NRXN3: variants seen among roughly 807,000 people sequenced by gnomAD.
The protein encoded by NRXN3 is neurexin III.
In NRXN3, 32 loss-of-function variants were observed where a neutral mutation model predicts 137.6. The observed-to-expected ratio is 0.23, with a 90% CI of 0.18 to 0.31. The LOEUF (loss-of-function observed/expected upper bound fraction) is 0.31, where lower values mean the gene tolerates loss of function less well. NRXN3 is among the 10% of genes least tolerant of loss of function. The pLI, the probability that NRXN3 is intolerant of heterozygous loss-of-function variation, is 1.00. For synonymous variants in NRXN3, 798 were observed against 784.5 expected (o/e 1.02, Z -0.29); for missense variants, 1,574 against 2,062.5 (o/e 0.76, Z 4.59).
intron 6 of NRXN3, among the ~76,000 whole-genome samples, chr14:78,688,827 G>T (rs1241351691): frequency 2.6e-5 from 4 of 152,212 alleles, no homozygotes; most frequent in African/African-American, 9.6e-5. Flanking sequence ...AGGGAACACA[G>T]ATGGGCTCTG....
chr14:79,218,578 AG>A (rs1026040832), intron 15 of NRXN3, among the ~76,000 whole-genome samples: 1 of 152,182 alleles, frequency 6.6e-6, no homozygotes, highest in East Asian at 1.9e-4. Flanking sequence ...GGATAAAAAA[AG>A]GAGGTAGCAA....
intron 16 of NRXN3, among the ~76,000 whole-genome samples, chr14:79,662,023 C>G (rs1329619071): frequency 1.3e-5 from 2 of 152,112 alleles, no homozygotes; most frequent in African/African-American, 4.8e-5. Context: ...CTCATGATAT[C>G]TGATGGTTTT....
At chr14:78,913,012 A>T (rs551585156) in intron 10 of NRXN3, among the ~76,000 whole-genome samples, 1 of 152,144 alleles carries the variant, frequency 6.6e-6, no homozygotes, top group Non-Finnish European at 1.5e-5. Context: ...CCTAAGCTAT[A>T]GCAGTGAAAA....
intron 15 of NRXN3, among the ~76,000 whole-genome samples, chr14:79,154,672 C>T (rs2060097633): frequency 6.6e-6 from 1 of 151,830 alleles, no homozygotes; most frequent in South Asian, 2.1e-4. Flanking sequence ...AAATTCCCAT[C>T]ATATCTGCCC....
At chr14:79,674,543 T>C (rs1603415061) in intron 17 of NRXN3, among the ~76,000 whole-genome samples, 1 of 151,988 alleles carries the variant, frequency 6.6e-6, no homozygotes, top group East Asian at 1.9e-4. Flanking sequence ...TCCACACAGA[T>C]ATGTTTGCCC....
intron 1 of NRXN3, among the ~76,000 whole-genome samples, chr14:78,203,603 A>C (rs906689486): frequency 6.6e-6 from 1 of 152,208 alleles, no homozygotes; most frequent in East Asian, 1.9e-4. Context: ...CGGAAACCTC[A>C]GTTAGTGTTG....
At chr14:79,644,434 A>G (rs934454798) in intron 16 of NRXN3, among the ~76,000 whole-genome samples, 3 of 135,778 alleles carry the variant, frequency 2.2e-5, no homozygotes, top group African/African-American at 7.3e-5. Context: ...AGATGTCTGG[A>G]TCTATTTTTG....
At chr14:78,296,438 C>T (rs1404461474) in intron 3 of NRXN3, among the ~76,000 whole-genome samples, 1 of 152,118 alleles carries the variant, frequency 6.6e-6, no homozygotes, top group Admixed American at 6.5e-5. Context: ...ATTTTAAGAA[C>T]CTTTATTTCT....
intron 15 of NRXN3, among the ~76,000 whole-genome samples, chr14:79,315,426 T>A (rs1369059214): frequency 6.6e-6 from 1 of 152,210 alleles, no homozygotes; most frequent in African/African-American, 2.4e-5. Context: ...AAGGGGTCTC[T>A]GTAGAGAAAC....
rs117812597 is a variant in NRXN3, at chr14:78,927,827, G to A, written c.2276-29415G>A. ...TTTCCCCACACAGGACAGTGCAGTC[G>A]TTAAGGCACCATGGTTAGTGTCATC... On this transcript the variant is annotated intron_variant, in intron 10 of 20. Coordinates refer to ENST00000335750, the MANE Select transcript of NRXN3 (RefSeq NM_001330195.2). 4.8e-4 allele frequency among the ~76,000 whole-genome samples: 73 copies of A among 152,226 alleles called. No individual in the cohort carries two copies. The East Asian group carries it at 0.011, about 24-fold the overall frequency.
chr14:79,044,825 G>GTTT (rs5809914), intron 15 of NRXN3, among the ~76,000 whole-genome samples: 4 of 139,618 alleles, frequency 2.9e-5, no homozygotes, highest in Non-Finnish European at 4.7e-5. Context: ...AGCACCTCTA[G>GTTT]TTTTTTTTTT....
intron 19 of NRXN3, among the ~76,000 whole-genome samples, chr14:79,749,717 G>A (rs1182189618): frequency 6.6e-6 from 1 of 152,030 alleles, no homozygotes; most frequent in Non-Finnish European, 1.5e-5. Flanking sequence ...TTGAGGTGAG[G>A]GGTACCTCAT....
At chr14:79,523,727 C>T (rs1254752901) in intron 16 of NRXN3, among the ~76,000 whole-genome samples, 1 of 152,124 alleles carries the variant, frequency 6.6e-6, no homozygotes, top group Non-Finnish European at 1.5e-5. Context: ...AGGCTCAAGG[C>T]GGAGTTGAGA....
chr14:78,787,139 C>A lies in NRXN3; in HGVS notation c.2045-16481C>A, dbSNP rs551553872. Among the ~76,000 whole-genome samples the A allele has an allele frequency of 6.6e-5, 10 of 152,190 alleles. No individual in the cohort carries two copies. The East Asian group carries it at 1.9e-3, about 29-fold the overall frequency. On this transcript the variant is annotated intron_variant, in intron 8 of 20. Transcript: ENST00000335750. The stretch of plus-strand genomic sequence containing the variant: ...TCTTAGACAACATAATTTTGGTTCA[C>A]GTTGTATTTGTGACCCAGTTTGTCC...
intron 4 of NRXN3, among the ~76,000 whole-genome samples, chr14:78,325,724 A>G (rs1168662762): frequency 6.6e-6 from 1 of 151,984 alleles, no homozygotes; most frequent in East Asian, 1.9e-4. Flanking sequence ...GCTCTGCTAT[A>G]GCTGACCTTG....
At chr14:79,707,685 T>C (rs1318716223) in intron 19 of NRXN3, among the ~76,000 whole-genome samples, 1 of 152,166 alleles carries the variant, frequency 6.6e-6, no homozygotes, top group Non-Finnish European at 1.5e-5. Context: ...CTGTTGCTAG[T>C]TTGTGGTCTC....
chr14:79,176,005 A>C (rs1011953811), intron 15 of NRXN3, among the ~76,000 whole-genome samples: 5 of 152,210 alleles, frequency 3.3e-5, no homozygotes, highest in Non-Finnish European at 5.9e-5. Flanking sequence ...TAGGAAGTTT[A>C]TGAACTAAAG....
At chr14:78,189,928 C>T (rs549081417) in intron 1 of NRXN3, among the ~76,000 whole-genome samples, 2 of 152,306 alleles carry the variant, frequency 1.3e-5, no homozygotes, top group African/African-American at 4.8e-5. Context: ...CCTCCCCTAG[C>T]ACTCTGGCCG....
intron 1 of NRXN3, among the ~76,000 whole-genome samples, chr14:78,193,780 AAG>A (rs1402869522): frequency 1.2e-4 from 18 of 149,708 alleles, no homozygotes; most frequent in African/African-American, 4.2e-4. Flanking sequence ...AAAAAAAAAA[AAG>A]TTATGTCTGA....
Sources: allele counts gnomAD v4.1 joint callset (sites outside exome capture counted in the v4.1 genomes callset), GRCh38; gene constraint gnomAD v4.1.1; transcripts MANE v1.5; gene names NCBI Gene and HGNC (gene_info 2026-07-23, HGNC 2026-07-21).